Variants in RNGTT observed in about 807,000 individuals in gnomAD.
The protein encoded by RNGTT is RNA guanylyltransferase and 5'-phosphatase, also known as mRNA-capping enzyme.
Under a neutral mutation model 79.3 loss-of-function variants are expected in RNGTT, and 33 were observed. The observed-to-expected ratio is 0.42, with a 90% CI of 0.32 to 0.56. The LOEUF is 0.56. RNGTT is among the 20% of genes least tolerant of loss of function. The probability of loss-of-function intolerance (pLI) is 0.17; values close to 1 mark genes in which losing one functional copy is unlikely to be tolerated. For synonymous variants in RNGTT, 222 were observed against 235.9 expected (o/e 0.94, Z 0.54); for missense variants, 497 against 739.1 (o/e 0.67, Z 3.80).
intron 4 of RNGTT, among the ~76,000 whole-genome samples, chr6:88,908,165 G>A (rs1291225247): frequency 6.6e-6 from 1 of 152,114 alleles, no homozygotes; most frequent in Non-Finnish European, 1.5e-5. Flanking sequence ...GAAAATACAG[G>A]AGTAAATCTT....
chr6:88,895,921 A>G (rs754633836), intron 6 of RNGTT, among the ~76,000 whole-genome samples: 7 of 152,072 alleles, frequency 4.6e-5, no homozygotes, highest in Non-Finnish European at 1.0e-4. Context: ...AAGAGTTCCA[A>G]TGTAAACCCT....
chr6:88,708,407 A>G (rs983050711), intron 13 of RNGTT, among the ~76,000 whole-genome samples: 31 of 151,924 alleles, frequency 2.0e-4, no homozygotes, highest in Non-Finnish European at 2.4e-4. Context: ...ACTTCAGAAA[A>G]TGTATCTCTG....
chr6:88,799,700 C>CA (rs36033019), intron 12 of RNGTT, among the ~76,000 whole-genome samples: 3,097 of 45,506 alleles, frequency 0.068, 210 homozygotes, highest in African/African-American at 0.17. Flanking sequence ...AACTCCATCT[C>CA]AAAAAAAAAA....
intron 1 of RNGTT, among the ~76,000 whole-genome samples, chr6:88,949,124 A>T (rs1225403588): frequency 4.1e-4 from 59 of 144,424 alleles, no homozygotes; most frequent in Admixed American, 7.0e-4. Context: ...AATAAATTAA[A>T]AAAAATAAAA....
chr6:88,767,446 A>C (rs575379221), intron 13 of RNGTT, among the ~76,000 whole-genome samples: 1 of 152,218 alleles, frequency 6.6e-6, no homozygotes, highest in East Asian at 1.9e-4. Flanking sequence ...TAGAGAAATG[A>C]GTATTCTATG....
At position 88,953,947 on chromosome 6, in the gene RNGTT, G is replaced by T. The variant is rs906603986; in HGVS notation, c.64+9399C>A. 5.3e-5 allele frequency among the ~76,000 whole-genome samples: 8 copies of T among 152,084 alleles called. No individual in the cohort carries two copies. In the East Asian group the frequency reaches 1.5e-3, roughly 29 times the overall value. On this transcript the variant is annotated intron_variant, in intron 1 of 15. Coordinates refer to ENST00000369485, the MANE Select transcript of RNGTT (RefSeq NM_003800.5). ...GAGAGAATTGGCCACTACAAGAAATGAAAGACACACTACAAGAAATGCTAA... is the reference window on the plus strand; with the variant it reads ...GAGAGAATTGGCCACTACAAGAAATTAAAGACACACTACAAGAAATGCTAA...
At position 88,614,421 on chromosome 6, in the gene RNGTT, A is replaced by G. The variant is rs1164028057; in HGVS notation, c.1507-26T>C. The stretch of plus-strand genomic sequence containing the variant: ...CTGTTTTGAAAGAGAATTGAGGAAA[A>G]TATTTAAATAACTTGAAAGGCTTTT... On this transcript the variant is annotated intron_variant, in intron 14 of 15. Transcript: ENST00000369485. 3.1e-6 allele frequency: 5 copies of G among 1,608,584 alleles called. No individual in the cohort carries two copies. In the African/African-American group the frequency reaches 6.7e-5, roughly 22 times the overall value.
chr6:88,644,881 G>C (rs374038139), intron 14 of RNGTT, among the ~76,000 whole-genome samples: 6 of 152,030 alleles, frequency 3.9e-5, no homozygotes, highest in South Asian at 2.1e-4. Context: ...TTATGACAAA[G>C]CCACAGCCAA....
At chr6:88,673,275 T>C (rs1421720339) in intron 14 of RNGTT, among the ~76,000 whole-genome samples, 2 of 152,258 alleles carry the variant, frequency 1.3e-5, no homozygotes, top group Non-Finnish European at 2.9e-5. Flanking sequence ...AGTCTCCATT[T>C]TTAAAAGGTT....
chr6:88,817,303 G>T (rs1780342635), intron 11 of RNGTT, among the ~76,000 whole-genome samples: 1 of 151,778 alleles, frequency 6.6e-6, no homozygotes, highest in South Asian at 2.1e-4. Flanking sequence ...AATTTAAAAG[G>T]TACATTTTTT....
chr6:88,658,992 T>C (rs1774084759), intron 14 of RNGTT, among the ~76,000 whole-genome samples: 1 of 152,236 alleles, frequency 6.6e-6, no homozygotes, highest in Admixed American at 6.5e-5. Flanking sequence ...CGGCCTATTG[T>C]GGGACTTCAC....
chr6:88,879,534 A>G (rs749823282), intron 8 of RNGTT, among the ~76,000 whole-genome samples: 1 of 152,240 alleles, frequency 6.6e-6, no homozygotes, highest in Non-Finnish European at 1.5e-5. Context: ...CACATGTAGT[A>G]TGACCACACA....
chr6:88,683,955 C>G (rs1160231541), intron 13 of RNGTT, among the ~76,000 whole-genome samples: 3 of 152,038 alleles, frequency 2.0e-5, no homozygotes, highest in African/African-American at 7.2e-5. Context: ...TTAAAGGTTA[C>G]AGTGAGTCAT....
At chr6:88,857,792 A>C (rs1781887844) in intron 8 of RNGTT, among the ~76,000 whole-genome samples, 1 of 152,200 alleles carries the variant, frequency 6.6e-6, no homozygotes, top group Admixed American at 6.5e-5. Flanking sequence ...CAAAATAGTA[A>C]GAGCTGCCCC....
chr6:88,783,928 G>A (rs1448761382), intron 12 of RNGTT, among the ~76,000 whole-genome samples: 1 of 151,908 alleles, frequency 6.6e-6, no homozygotes, highest in Non-Finnish European at 1.5e-5. Context: ...AGTACCTATT[G>A]ATCAACTGCT....
chr6:88,905,067 A>C, intron 5 of RNGTT, 112 bp from the exon 6 acceptor site: 2 of 1,325,152 alleles, frequency 1.5e-6, no homozygotes, highest in Non-Finnish European at 2.1e-6. Context: ...AGAAGTTTAT[A>C]AAATGGGCAA....
At chr6:88,867,158 C>T (rs940213950) in intron 8 of RNGTT, among the ~76,000 whole-genome samples, 2 of 152,080 alleles carry the variant, frequency 1.3e-5, no homozygotes, top group East Asian at 1.9e-4. Flanking sequence ...TAACCTCAAG[C>T]CACCCTTAAC....
At position 88,925,371 on chromosome 6, in the gene RNGTT, A is replaced by C. The variant is rs112228666; in HGVS notation, c.367+3614T>G. On this transcript the variant is annotated intron_variant, in intron 4 of 15. Transcript: ENST00000369485. Reference sequence around the variant, plus strand: ...TTTGGGAGGCCAAGGTGGGTAGATCACTTGAACCCAGGAGTTCAAGACCAG... The same window carrying C: ...TTTGGGAGGCCAAGGTGGGTAGATCCCTTGAACCCAGGAGTTCAAGACCAG... 4.9e-3 allele frequency among the ~76,000 whole-genome samples: 745 copies of C among 152,152 alleles called. 5 individuals carry two copies. The highest frequency in any genetic ancestry group is 0.017 in the African/African-American group (713 of 41,512).
At chr6:88,882,316 C>A (rs559294632) in intron 8 of RNGTT, among the ~76,000 whole-genome samples, 1 of 152,082 alleles carries the variant, frequency 6.6e-6, no homozygotes, top group Non-Finnish European at 1.5e-5. Context: ...GAATTTGTGC[C>A]AAGCTGTTAA....
Sources: gnomAD v4.1 joint callset for allele counts (sites outside exome capture counted in the v4.1 genomes callset) on GRCh38, gnomAD v4.1.1 for gene constraint, MANE v1.5 for transcripts, NCBI Gene and HGNC (gene_info 2026-07-23, HGNC 2026-07-21) for gene names.